The following ADAM18 variants were observed in gnomAD, a reference collection of about 807,000 sequenced individuals.
ADAM18 encodes the protein disintegrin and metalloproteinase domain-containing protein 18.
Under a neutral mutation model 94.4 loss-of-function variants are expected in ADAM18, and 117 were observed. The observed-to-expected ratio is 1.24, with a 90% CI of 1.07 to 1.45. ADAM18 has a LOEUF of 1.45. Ranked by LOEUF, ADAM18 falls within the 40% of genes most tolerant of loss-of-function variation. The probability of loss-of-function intolerance (pLI) is 0.00; values close to 1 mark genes in which losing one functional copy is unlikely to be tolerated. For missense variants in ADAM18, 936 were observed against 880.0 expected (o/e 1.06, Z -0.81); for synonymous variants, 327 against 291.6 (o/e 1.12, Z -1.24).
At chr8:39,650,538 A>G (rs1820504365) in intron 12 of ADAM18, among the ~76,000 whole-genome samples, 1 of 152,230 alleles carries the variant, frequency 6.6e-6, no homozygotes, top group African/African-American at 2.4e-5. Flanking sequence ...AGTCTCATTT[A>G]CAATATCTAC....
chr8:39,675,195 T>G (rs1821268311), intron 14 of ADAM18, among the ~76,000 whole-genome samples: 1 of 152,268 alleles, frequency 6.6e-6, no homozygotes, highest in South Asian at 2.1e-4. Flanking sequence ...GAAGTTCTCC[T>G]GCCTAATATG....
intron 6 of ADAM18, chr8:39,610,967 A>G (rs1819256822): frequency 8.3e-7 from 1 of 1,211,008 alleles, no homozygotes; most frequent in Non-Finnish European, 1.0e-6. Flanking sequence ...AAAGTTTAGA[A>G]ATGCAGAAAG....
chr8:39,604,224 A>G (rs908213021), intron 2 of ADAM18, among the ~76,000 whole-genome samples: 1 of 152,222 alleles, frequency 6.6e-6, no homozygotes, highest in African/African-American at 2.4e-5. Flanking sequence ...TTCTGAGGAT[A>G]AAAAATTACA....
At chr8:39,607,208 GT>G (rs1348884463) in intron 3 of ADAM18, among the ~76,000 whole-genome samples, 1 of 152,150 alleles carries the variant, frequency 6.6e-6, no homozygotes, top group African/African-American at 2.4e-5. Context: ...ATATAAATCA[GT>G]TTTAGAACAT....
At chr8:39,700,305 T>C (rs2129581105) in intron 17 of ADAM18, among the ~76,000 whole-genome samples, 1 of 152,284 alleles carries the variant, frequency 6.6e-6, no homozygotes, top group African/African-American at 2.4e-5. Context: ...AGTAATTTCA[T>C]TTTATAATTG....
chr8:39,589,083 G>A (rs942113735), intron 2 of ADAM18, among the ~76,000 whole-genome samples: 1 of 152,124 alleles, frequency 6.6e-6, no homozygotes, highest in African/African-American at 2.4e-5. Context: ...CTTACATTTA[G>A]TTGGTGTTCA....
At chr8:39,600,270 A>G (rs1419147940) in intron 2 of ADAM18, among the ~76,000 whole-genome samples, 1 of 152,158 alleles carries the variant, frequency 6.6e-6, no homozygotes, top group African/African-American at 2.4e-5. Flanking sequence ...AATTATTTCT[A>G]AATTCTTATA....
chr8:39,655,301 A>C (rs1188961689), intron 12 of ADAM18, among the ~76,000 whole-genome samples: 1 of 152,082 alleles, frequency 6.6e-6, no homozygotes, highest in Non-Finnish European at 1.5e-5. Context: ...TTCCCAGTGT[A>C]TGTTGTTGGA....
At chr8:39,695,494 T>A (rs1415914112) in intron 17 of ADAM18, among the ~76,000 whole-genome samples, 1 of 151,528 alleles carries the variant, frequency 6.6e-6, no homozygotes, top group African/African-American at 2.4e-5. Context: ...CATATGATGT[T>A]GAGCATCTTT....
At chr8:39,616,352 G>C (rs1396550663) in intron 6 of ADAM18, among the ~76,000 whole-genome samples, 1 of 152,184 alleles carries the variant, frequency 6.6e-6, no homozygotes, top group Admixed American at 6.5e-5. Flanking sequence ...TGAGGTTGCA[G>C]TGAGCCGAGA....
At chr8:39,685,051 C>G (rs1821573205) in intron 16 of ADAM18, 1 of 152,226 alleles carries the variant, frequency 6.6e-6, no homozygotes, top group South Asian at 2.1e-4. Context: ...ATTCAGGGAG[C>G]TCAGTTTCTA....
chr8:39,636,013 T>G (rs1406454901), intron 7 of ADAM18, among the ~76,000 whole-genome samples: 1 of 150,500 alleles, frequency 6.6e-6, no homozygotes, highest in African/African-American at 2.4e-5. Flanking sequence ...TTTTTTGTTT[T>G]TTTTTTTTTG....
intron 2 of ADAM18, among the ~76,000 whole-genome samples, chr8:39,591,921 A>G (rs1292157284): frequency 6.6e-6 from 1 of 152,240 alleles, no homozygotes; most frequent in Non-Finnish European, 1.5e-5. Context: ...GTTCGCAGGC[A>G]GGAAAACAGC....
chr8:39,621,265 C>T lies in ADAM18; in HGVS notation c.523-8109C>T, dbSNP rs190630891. 1.4e-4 allele frequency among the ~76,000 whole-genome samples: 21 copies of T among 150,534 alleles called. No individual in the cohort carries two copies. The East Asian group carries it at 4.1e-3, about 30-fold the overall frequency. Reference sequence around the variant, plus strand: ...AGATACTATTACATACTTAATAGAGCAGCTGAGTTTTTTAAATGTGACATG... The same window carrying T: ...AGATACTATTACATACTTAATAGAGTAGCTGAGTTTTTTAAATGTGACATG... On this transcript the variant is annotated intron_variant, in intron 6 of 19. Transcript: ENST00000265707.
intron 6 of ADAM18, among the ~76,000 whole-genome samples, chr8:39,614,383 G>C (rs113420170): frequency 6.6e-6 from 1 of 152,140 alleles, no homozygotes; most frequent in East Asian, 1.9e-4. Flanking sequence ...AACTTCATAA[G>C]CAAAGAAGAA....
chr8:39,671,384 G>A (rs893537797), intron 14 of ADAM18, among the ~76,000 whole-genome samples: 1 of 152,132 alleles, frequency 6.6e-6, no homozygotes, highest in African/African-American at 2.4e-5. Flanking sequence ...ATTGAACTTA[G>A]GAAAATATAA....
intron 12 of ADAM18, among the ~76,000 whole-genome samples, chr8:39,649,380 G>GTGTA (rs1554508554): frequency 1.3e-5 from 2 of 150,060 alleles, no homozygotes; most frequent in African/African-American, 2.4e-5. Flanking sequence ...ACACATACAT[G>GTGTA]TATATATATA....
chr8:39,591,160 A>G (rs924165061), intron 2 of ADAM18, among the ~76,000 whole-genome samples: 2 of 152,198 alleles, frequency 1.3e-5, no homozygotes, highest in Non-Finnish European at 2.9e-5. Flanking sequence ...GCTGGTTACA[A>G]TCAGGCCTTG....
At chr8:39,713,665 A>T (rs1822485027) in intron 18 of ADAM18, among the ~76,000 whole-genome samples, 1 of 152,252 alleles carries the variant, frequency 6.6e-6, no homozygotes, top group African/African-American at 2.4e-5. Flanking sequence ...GAAGCCATTT[A>T]TGCAGCCAAA....
Sources: gnomAD v4.1 joint callset for allele counts (sites outside exome capture counted in the v4.1 genomes callset) on GRCh38, gnomAD v4.1.1 for gene constraint, MANE v1.5 for transcripts, NCBI Gene and HGNC (gene_info 2026-07-23, HGNC 2026-07-21) for gene names.